Variants in TAF11 observed in about 807,000 individuals in gnomAD.
The protein encoded by TAF11 is transcription initiation factor TFIID subunit 11.
In TAF11, 10 loss-of-function variants were observed where a neutral mutation model predicts 23.0. The observed-to-expected ratio is 0.43, with a 90% CI of 0.27 to 0.74. The LOEUF (loss-of-function observed/expected upper bound fraction) is 0.74. Ranked by LOEUF, TAF11 falls within the 30% of genes least tolerant of loss-of-function variation. TAF11 has a pLI of 0.19. For missense variants in TAF11, 196 were observed against 261.7 expected, an observed-to-expected ratio of 0.75 and a Z score of 1.73; for synonymous variants, 85 against 95.8, an observed-to-expected ratio of 0.89 and a Z score of 0.66.
At chr6:34,882,511 G>A (rs967481032) in intron 2 of TAF11, among the ~76,000 whole-genome samples, 2 of 151,288 alleles carry the variant, frequency 1.3e-5, no homozygotes, top group African/African-American at 2.4e-5. Context: ...GGGCATGGCG[G>A]TGCATGCCTG....
Position 34,887,860 on chromosome 6 carries a change from G to C in TAF11, c.98C>G (p.Thr33Ser). The change falls in exon 1 of 5, where the codon ACC (threonine) becomes AGC (serine). Residue 33 changes from threonine (T) to serine (S), a missense_variant. Coordinates refer to ENST00000361288, the MANE Select transcript of TAF11 (RefSeq NM_005643.4). ...GTCAGTTTCCTCTGGGATTCCATCG[G>C]TGTCGGTAGCCCCCGGGTCCCCGGG... ...AVPGDPGATDTDGIPEETDGD... is the reference protein window; with the variant it reads ...AVPGDPGATDSDGIPEETDGD... 6.2e-7 allele frequency: 1 copy of C among 1,614,164 alleles called. No individual in the cohort carries two copies. The highest frequency in any genetic ancestry group is 8.5e-7 in the Non-Finnish European group (1 of 1,180,028).
Position 34,881,116 on chromosome 6 carries a change from G to C in TAF11, c.321-740C>G, listed in dbSNP as rs1341820285. ...TGAATTAGCAATTACACCTCTAGGA[G>C]TTTATCTTAGGAAGTAATGGACAAG... On this transcript the variant is annotated intron_variant, in intron 2 of 4. Transcript: ENST00000361288. Among the ~76,000 whole-genome samples, 8 of 152,152 alleles carry C rather than the reference G, an allele frequency of 5.3e-5. No homozygotes were observed. In the East Asian group the frequency reaches 1.5e-3, roughly 29 times the overall value.
In TAF11 at chr6:34,879,989, G is replaced by A. The variant is rs752599855; in HGVS notation, c.483C>T (p.Phe161=). The A allele has an allele frequency of 1.1e-5, 18 of 1,613,844 alleles. No homozygotes were observed. Among genetic ancestry groups the A allele is most frequent in the Admixed American group, 3.3e-5 (2 of 59,982 alleles). ...VIAMSGISKV[F]VGEVVEEALD... ...CACCTTCTTCTACCACCTCCCCGACGAAAACCTTGGAAATACCAGACATAG... is the reference window on the plus strand; with the variant it reads ...CACCTTCTTCTACCACCTCCCCGACAAAAACCTTGGAAATACCAGACATAG... Residue 161 remains phenylalanine (F), a synonymous_variant, in exon 4 of 5, where the codon TTC becomes TTT. Transcript: ENST00000361288.
At chr6:34,882,829 CTTT>C in intron 2 of TAF11, 100 bp downstream of exon 2, 2 of 1,360,906 alleles carry the variant, frequency 1.5e-6, no homozygotes, top group Non-Finnish European at 2.0e-6. Flanking sequence ...GTTTTATTTT[CTTT>C]TGAGTTTATA....
chr6:34,887,776 T>C lies in TAF11; in HGVS notation c.171+11A>G, dbSNP rs1002225614. 9.9e-6 allele frequency: 16 copies of C among 1,614,080 alleles called. No homozygotes were observed. The highest frequency in any genetic ancestry group is 1.4e-5 in the Non-Finnish European group (16 of 1,180,002). On this transcript the variant is annotated intron_variant, in intron 1 of 4. Coordinates refer to ENST00000361288, the MANE Select transcript of TAF11 (RefSeq NM_005643.4). ...GTATTCCTTCAGCCTCATCAGTACA[T>C]CTCTTCCTACCTCGCCTTCCTCCGC...
In TAF11 at chr6:34,880,265, T is replaced by G. The variant is rs1328137045; in HGVS notation, c.408+24A>C. The G allele has an allele frequency of 6.2e-7, 1 of 1,612,224 alleles. No homozygotes were observed. Among genetic ancestry groups the G allele is most frequent in the African/African-American group, 1.3e-5 (1 of 74,974 alleles). On this transcript the variant is annotated intron_variant, in intron 3 of 4. Coordinates refer to ENST00000361288, the MANE Select transcript of TAF11 (RefSeq NM_005643.4). This position sits in a 1 kb window ranked among gnomAD's most constrained non-coding sequence, Gnocchi z 4.8. The stretch of plus-strand genomic sequence containing the variant: ...GTTCAGTTCTAAAACGTGATGGAGA[T>G]GAAGTGTGGTGGTCCATCCTTACCC...
chr6:34,886,814 C>T lies in TAF11; in HGVS notation c.171+973G>A, dbSNP rs117572039. ...TTGTACTTTATACATTTTGATGCAA[C>T]TTTATGCTCTGAAAGGCTATTTCCA... On this transcript the variant is annotated intron_variant, in intron 1 of 4. Coordinates refer to ENST00000361288, the MANE Select transcript of TAF11 (RefSeq NM_005643.4). 2.3e-3 allele frequency among the ~76,000 whole-genome samples: 352 copies of T among 152,268 alleles called. 9 individuals carry two copies. In the East Asian group the frequency reaches 0.063, roughly 27 times the overall value.
intron 2 of TAF11, among the ~76,000 whole-genome samples, chr6:34,881,557 A>G (rs1009369642): frequency 6.6e-6 from 1 of 152,194 alleles, no homozygotes; most frequent in African/African-American, 2.4e-5. Flanking sequence ...AACATTCACC[A>G]TATCTAATGT....
chr6:34,878,527 C>G lies in TAF11; in HGVS notation c.*63G>C. On this transcript the variant is annotated 3_prime_UTR_variant, in exon 5 of 5. Transcript: ENST00000361288. ...ATACTAAAGCACCAATGCAGACAGT[C>G]TTATAGGAAGTCTGGAACCAATACT... 1.1e-6 allele frequency: 1 copy of G among 899,854 alleles called. No homozygotes were observed. Among genetic ancestry groups the G allele is most frequent in the Non-Finnish European group, 1.9e-6 (1 of 530,574 alleles). 55.7% of individuals were successfully genotyped at this position (899,854 alleles called of 1,614,324 possible).
At chr6:34,885,662 C>T (rs1478235302) in intron 1 of TAF11, among the ~76,000 whole-genome samples, 4 of 152,156 alleles carry the variant, frequency 2.6e-5, no homozygotes, top group Non-Finnish European at 4.4e-5. Context: ...TCCTTGCTGT[C>T]CTTGACACCT....
Position 34,887,823 on chromosome 6 carries a change from A to G in TAF11, c.135T>C (p.Asp45=). The part of the protein sequence containing the change: ...GIPEETDGDA[D]VDLKEAAAEE... ...CCGCTGCAGCTTCTTTCAAGTCCAC[A>G]TCTGCGTCTCCGTCAGTTTCCTCTG... Residue 45 remains aspartate, a synonymous_variant, in exon 1 of 5, where the codon GAT becomes GAC. Transcript: ENST00000361288. The G allele has an allele frequency of 6.2e-7, 1 of 1,614,118 alleles. No individual in the cohort carries two copies. Among genetic ancestry groups the G allele is most frequent in the Non-Finnish European group, 8.5e-7 (1 of 1,180,008 alleles).
Position 34,887,873 on chromosome 6 carries a change from C to T in TAF11, c.85G>A (p.Gly29Arg), listed in dbSNP as rs1766566501. The change falls in exon 1 of 5, where the codon GGG becomes AGG. Residue 29 changes from glycine to arginine, a missense_variant. Transcript: ENST00000361288. Reference protein sequence around the residue: ...DETAAVPGDPGATDTDGIPEE... With the variant: ...DETAAVPGDPRATDTDGIPEE... ...GGGATTCCATCGGTGTCGGTAGCCC[C>T]CGGGTCCCCGGGCACAGCGGCCGTC... is the stretch of plus-strand genomic sequence containing the variant. The T allele has an allele frequency of 6.2e-7, 1 of 1,614,222 alleles. No homozygotes were observed. The highest frequency in any genetic ancestry group is 1.1e-5 in the South Asian group (1 of 91,086).
At position 34,878,558 on chromosome 6, in the gene TAF11, C is replaced by T. The variant is rs375952312; in HGVS notation, c.*32G>A. The T allele has an allele frequency of 1.1e-4, 131 of 1,198,582 alleles. No homozygotes were observed. The highest frequency in any genetic ancestry group is 8.3e-4 in the African/African-American group (55 of 66,408). The allele number at this position is 1,198,582 out of a possible 1,614,324, so 74.2% of individuals were successfully genotyped here. A position where few individuals can be genotyped will look rare whatever the true frequency, so the allele number is the denominator to read the frequency against. On this transcript the variant is annotated 3_prime_UTR_variant, in exon 5 of 5. Coordinates refer to ENST00000361288, the MANE Select transcript of TAF11 (RefSeq NM_005643.4). ...GGAAGTCTGGAACCAATACTTCTTC[C>T]GTCAGTAACATAGGCCTTTCTAGAC...
chr6:34,877,595 G>GGC lies in TAF11; in HGVS notation c.*994_*995insGC, dbSNP rs397947093. 3 of 151,962 alleles carry GGC rather than the reference G, an allele frequency of 2.0e-5. No homozygotes were observed. The highest frequency in any genetic ancestry group is 7.3e-5 in the African/African-American group (3 of 41,152). The allele number at this position is 151,962 out of a possible 1,614,324, so 9.4% of individuals were successfully genotyped here. The stretch of plus-strand genomic sequence containing the variant: ...TATTTTCATCTCAGTCTTGGGGGGG[G>GGC]AATTATTACACTGTTTTTAACAGTG... On this transcript the variant is annotated 3_prime_UTR_variant, in exon 5 of 5. Transcript: ENST00000361288.
rs1051115 is a variant in TAF11, at chr6:34,887,971, G to C, written c.-14C>G. On this transcript the variant is annotated 5_prime_UTR_variant, in exon 1 of 5. Transcript: ENST00000361288. ...GGCATCGTCCATCACGGATAGGATT[G>C]GAGGGGAGAGGAGATCGCGGAGATG... The C allele has an allele frequency of 0.12, 192,099 of 1,613,260 alleles. 12,588 individuals carry two copies. Among genetic ancestry groups the C allele is most frequent in the African/African-American group, 0.25 (18,749 of 74,984 alleles).
rs1055243908 is a variant in TAF11 at position 34,883,314 on chromosome 6, G to A, written c.172-234C>T. Among the ~76,000 whole-genome samples the A allele has an allele frequency of 3.9e-5, 6 of 152,118 alleles. No individual in the cohort carries two copies. The East Asian group carries it at 1.2e-3, about 29-fold the overall frequency. On this transcript the variant is annotated intron_variant, in intron 1 of 4. Transcript: ENST00000361288. ...TAATCTAGTTTTCCAGTTTGGCTAT[G>A]AGCACAGCTCCAGTATCTGTTTACA...
chr6:34,884,476 G>T (rs4646926), intron 1 of TAF11, among the ~76,000 whole-genome samples: 70,041 of 151,970 alleles, frequency 0.46, 21,275 homozygotes, highest in African/African-American at 0.85. Flanking sequence ...AAATAACTAA[G>T]GGACACTAGG....
intron 4 of TAF11, 25 bp from the exon 5 acceptor site, chr6:34,878,745 C>CTGAT (rs1303490211): frequency 1.3e-6 from 2 of 1,593,522 alleles, no homozygotes; most frequent in African/African-American, 2.7e-5. Flanking sequence ...AGGAGAAAGT[C>CTGAT]TGATTATCAC....
intron 2 of TAF11, 74 bp downstream of exon 2, chr6:34,882,858 A>G: frequency 6.7e-7 from 1 of 1,488,736 alleles, no homozygotes; most frequent in Non-Finnish European, 8.9e-7. Flanking sequence ...AAATTTAAAC[A>G]CCAAGAAAAA....
Sources: allele counts gnomAD v4.1 joint callset (sites outside exome capture counted in the v4.1 genomes callset), GRCh38; gene constraint gnomAD v4.1.1; non-coding constraint Gnocchi (gnomAD v3.1); transcripts MANE v1.5; gene names NCBI Gene and HGNC (gene_info 2026-07-23, HGNC 2026-07-21).